Variants in SLCO4C1 observed in about 807,000 individuals in gnomAD.
SLCO4C1 encodes solute carrier organic anion transporter family member 4C1.
Under a neutral mutation model 72.1 loss-of-function variants are expected in SLCO4C1, and 58 were observed. The ratio of observed to expected loss-of-function variants is 0.80; its 90% CI spans 0.65 to 1.00. The LOEUF (loss-of-function observed/expected upper bound fraction) is 1.00, where lower values mean the gene tolerates loss of function less well. SLCO4C1 is among the 50% of genes least tolerant of loss of function. The pLI is 0.00. For synonymous variants in SLCO4C1, 297 were observed against 312.5 expected, an observed-to-expected ratio of 0.95 and a Z score of 0.52; for missense variants, 898 against 857.9, an observed-to-expected ratio of 1.05 and a Z score of -0.58.
At chr5:102,295,638 C>T (rs1306511949) in intron 1 of SLCO4C1, among the ~76,000 whole-genome samples, 3 of 152,218 alleles carry the variant, frequency 2.0e-5, no homozygotes, top group Non-Finnish European at 2.9e-5. Context: ...GTCTTGAATC[C>T]GCTAAACTGA....
chr5:102,261,932 C>T lies in SLCO4C1; in HGVS notation c.1001G>A (p.Cys334Tyr), dbSNP rs749246488. 1.4e-5 allele frequency: 22 copies of T among 1,610,506 alleles called. No individual in the cohort carries two copies. The highest frequency in any genetic ancestry group is 1.1e-4 in the South Asian group (10 of 90,546). Residue 334 changes from cysteine (C) to tyrosine (Y), a missense_variant, in exon 5 of 13, where the codon TGC becomes TAC. Coordinates refer to ENST00000310954, the MANE Select transcript of SLCO4C1 (RefSeq NM_180991.5). ...FAWSLIIPFS[C>Y]FPKHLPGTAE... The stretch of plus-strand genomic sequence containing the variant: ...TTTACCTGGTAAATGTTTTGGAAAG[C>T]AAGAAAAAGGTATTATTAAAGACCA...
chr5:102,281,944 A>C (rs1024222722), intron 2 of SLCO4C1, among the ~76,000 whole-genome samples: 15 of 152,148 alleles, frequency 9.9e-5, no homozygotes, highest in Admixed American at 9.8e-4. Flanking sequence ...TCACACAAAA[A>C]TCTGCACACT....
chr5:102,235,517 C>T lies in SLCO4C1; in HGVS notation c.*1341G>A, dbSNP rs1309854605. 1.3e-5 allele frequency: 2 copies of T among 152,322 alleles called. No individual in the cohort carries two copies. The highest frequency in any genetic ancestry group is 1.5e-5 in the Non-Finnish European group (1 of 68,026). The allele number at this position is 152,322 out of a possible 1,614,324, so 9.4% of individuals were successfully genotyped here. On this transcript the variant is annotated 3_prime_UTR_variant, in exon 13 of 13. Coordinates refer to ENST00000310954, the MANE Select transcript of SLCO4C1 (RefSeq NM_180991.5). ...TAAACAGGGTTATAACATTATCAGG[C>T]TTGTAAAATACTTTATCAAATCAAT...
intron 2 of SLCO4C1, among the ~76,000 whole-genome samples, chr5:102,272,591 A>G (rs1749171219): frequency 6.6e-6 from 1 of 152,198 alleles, no homozygotes; most frequent in Non-Finnish European, 1.5e-5. Flanking sequence ...ATATTGCCAT[A>G]CTTAAAAAAG....
At chr5:102,270,033 T>C (rs979773806) in intron 3 of SLCO4C1, among the ~76,000 whole-genome samples, 3 of 152,092 alleles carry the variant, frequency 2.0e-5, no homozygotes, top group Non-Finnish European at 4.4e-5. Context: ...TTCCAAATGC[T>C]GTGGTAATGA....
intron 8 of SLCO4C1, among the ~76,000 whole-genome samples, chr5:102,253,144 A>C (rs915846111): frequency 6.6e-6 from 1 of 152,168 alleles, no homozygotes; most frequent in Non-Finnish European, 1.5e-5. Flanking sequence ...TGGTATTTCT[A>C]TATTCTATGA....
At chr5:102,272,783 CGT>C in intron 2 of SLCO4C1, among the ~76,000 whole-genome samples, 1 of 151,248 alleles carries the variant, frequency 6.6e-6, no homozygotes, top group Non-Finnish European at 1.5e-5. Context: ...TGGTAAAACC[CGT>C]CTCTACTGAA....
chr5:102,241,952 A>G (rs188977303), intron 10 of SLCO4C1, among the ~76,000 whole-genome samples: 28 of 151,480 alleles, frequency 1.8e-4, no homozygotes, highest in South Asian at 8.4e-4. Flanking sequence ...TGAAGAGATT[A>G]AAAAAAAACA....
At chr5:102,240,867 G>A in intron 10 of SLCO4C1, 85 bp from the exon 11 acceptor site, 2 of 917,606 alleles carry the variant, frequency 2.2e-6, no homozygotes, top group Non-Finnish European at 1.7e-6. Context: ...TAAGAGTTTA[G>A]CATTCCTATA....
intron 12 of SLCO4C1, among the ~76,000 whole-genome samples, chr5:102,238,207 CATT>C (rs1748474361): frequency 6.6e-6 from 1 of 152,052 alleles, no homozygotes; most frequent in African/African-American, 2.4e-5. Flanking sequence ...TCCCATTCAT[CATT>C]GACTAGGAAA....
rs569714017 is a variant in SLCO4C1, at chr5:102,263,614, T to A, written c.899+70A>T. The A allele has an allele frequency of 9.5e-6, 12 of 1,261,888 alleles. No homozygotes were observed. The African/African-American group carries it at 1.0e-4, about 11-fold the overall frequency. The allele number at this position is 1,261,888 out of a possible 1,614,324, so 78.2% of individuals were successfully genotyped here. ...TACTGAGGGAAGTACTGTGAAAATG[T>A]TCTGTCTATGATGCTGGCATAATTA... is the stretch of plus-strand genomic sequence containing the variant. On this transcript the variant is annotated intron_variant, in intron 4 of 12. Coordinates refer to ENST00000310954, the MANE Select transcript of SLCO4C1 (RefSeq NM_180991.5).
intron 8 of SLCO4C1, among the ~76,000 whole-genome samples, chr5:102,254,343 C>T (rs1356697308): frequency 6.6e-6 from 1 of 152,098 alleles, no homozygotes; most frequent in Non-Finnish European, 1.5e-5. Flanking sequence ...TGCCATTTTT[C>T]CCAGAGTACA....
intron 2 of SLCO4C1, among the ~76,000 whole-genome samples, chr5:102,289,622 T>C (rs1474215695): frequency 6.6e-6 from 1 of 152,224 alleles, no homozygotes; most frequent in African/African-American, 2.4e-5. Flanking sequence ...TAGATTTCAA[T>C]AGTGTTATAC....
chr5:102,239,992 A>AT (rs995403170), intron 11 of SLCO4C1, among the ~76,000 whole-genome samples: 1 of 152,062 alleles, frequency 6.6e-6, no homozygotes, highest in Non-Finnish European at 1.5e-5. Flanking sequence ...TTAGACAAAG[A>AT]TTTCAGCTAC....
intron 2 of SLCO4C1, among the ~76,000 whole-genome samples, chr5:102,271,581 TA>T (rs1749153203): frequency 6.6e-6 from 1 of 151,770 alleles, no homozygotes; most frequent in South Asian, 2.1e-4. Context: ...TAATAAAACT[TA>T]AATGACTACC....
At chr5:102,282,750 T>A (rs1384292305) in intron 2 of SLCO4C1, among the ~76,000 whole-genome samples, 1 of 152,014 alleles carries the variant, frequency 6.6e-6, no homozygotes, top group African/African-American at 2.4e-5. Flanking sequence ...AGTGTGAATG[T>A]GTGCATGAAT....
At chr5:102,288,093 G>T (rs557791766) in intron 2 of SLCO4C1, among the ~76,000 whole-genome samples, 6 of 152,062 alleles carry the variant, frequency 3.9e-5, no homozygotes, top group Non-Finnish European at 8.8e-5. Context: ...CTGAAAGTCA[G>T]TGTGACATTA....
At chr5:102,292,584 A>G (rs1409531488) in intron 1 of SLCO4C1, among the ~76,000 whole-genome samples, 1 of 152,212 alleles carries the variant, frequency 6.6e-6, no homozygotes, top group Non-Finnish European at 1.5e-5. Context: ...ATTCTAGAGC[A>G]AAAGTAAACA....
intron 10 of SLCO4C1, among the ~76,000 whole-genome samples, chr5:102,246,966 G>T (rs548684090): frequency 6.6e-6 from 1 of 152,202 alleles, no homozygotes; most frequent in Admixed American, 6.5e-5. Flanking sequence ...ACTCAAAACT[G>T]AACGTTTCTC....
Sources: gnomAD v4.1 joint callset for allele counts (sites outside exome capture counted in the v4.1 genomes callset) on GRCh38, gnomAD v4.1.1 for gene constraint, MANE v1.5 for transcripts, NCBI Gene and HGNC (gene_info 2026-07-23, HGNC 2026-07-21) for gene names.